Variants in KIF21B observed in about 807,000 individuals in gnomAD.
KIF21B encodes kinesin-like protein KIF21B.
KIF21B carries 85 observed loss-of-function variants against 192.9 expected under a neutral mutation model. The observed-to-expected ratio is 0.44, with a 90% CI of 0.37 to 0.53. KIF21B has a LOEUF of 0.53. Among genes scored for constraint, KIF21B ranks in the 20% least tolerant of loss-of-function variants. The pLI is 0.00. For missense variants in KIF21B, 1,716 were observed against 2,194.8 expected (o/e 0.78, Z 4.36); for synonymous variants, 832 against 884.6 (o/e 0.94, Z 1.05).
intron 1 of KIF21B, among the ~76,000 whole-genome samples, chr1:201,018,697 T>A (rs1187821696): frequency 6.6e-6 from 1 of 152,234 alleles, no homozygotes; most frequent in Non-Finnish European, 1.5e-5. Context: ...ATCTATATGA[T>A]GGGAATAACA....
chr1:200,985,050 C>T, intron 26 of KIF21B, 78 bp from the exon 27 acceptor site: 2 of 1,045,098 alleles, frequency 1.9e-6, no homozygotes, highest in Non-Finnish European at 2.8e-6. Flanking sequence ...GGGCTTCCAC[C>T]TTCTGCCTTG....
Position 200,986,845 on chromosome 1 carries a change from T to A in KIF21B, c.3688A>T (p.Arg1230Trp). ...RKSYDRGQPIRSTDVGFTPPS... is the reference protein window; with the variant it reads ...RKSYDRGQPIWSTDVGFTPPS... The stretch of plus-strand genomic sequence containing the variant: ...GCAGATTCTAGAACATGATCTCACC[T>A]AATGGGCTGCCCTCGGTCGTAGGAC... Residue 1230 changes from arginine (R) to tryptophan (W), a missense_variant and splice_region_variant, in exon 26 of 35, where the codon AGG becomes TGG. Around this residue, in one of 3 missense-constraint regions of KIF21B, gnomAD observed 580 missense variants for 775.5 expected, o/e 0.75. Transcript: ENST00000461742. The A allele has an allele frequency of 6.2e-7, 1 of 1,612,584 alleles. No individual in the cohort carries two copies. The highest frequency in any genetic ancestry group is 8.5e-7 in the Non-Finnish European group (1 of 1,179,192).
chr1:201,012,865 A>G (rs929931846), intron 1 of KIF21B, among the ~76,000 whole-genome samples: 4 of 152,112 alleles, frequency 2.6e-5, no homozygotes, highest in Admixed American at 2.6e-4. Context: ...GCCTGTCTCG[A>G]ACTCCTGAGC....
At chr1:200,983,226 AG>A in intron 27 of KIF21B, 132 bp from the exon 28 acceptor site, 2 of 763,800 alleles carry the variant, frequency 2.6e-6, no homozygotes, top group Non-Finnish European at 4.5e-6. Flanking sequence ...AGACAGGCAG[AG>A]GAATGAGGGC....
At chr1:200,973,624 T>G in intron 34 of KIF21B, 46 bp from the exon 35 acceptor site, 1 of 1,520,392 alleles carries the variant, frequency 6.6e-7, no homozygotes, top group Non-Finnish European at 8.8e-7. Context: ...GCTCTTGCAG[T>G]GGGCTTGGCT....
Position 200,990,427 on chromosome 1 carries a change from G to A in KIF21B, c.2836-95C>T. 3 of 1,478,420 alleles carry A rather than the reference G, an allele frequency of 2.0e-6. No individual in the cohort carries two copies. Among genetic ancestry groups the A allele is most frequent in the Non-Finnish European group, 2.8e-6 (3 of 1,090,146 alleles). The allele number at this position is 1,478,420 out of a possible 1,614,324, so 91.6% of individuals were successfully genotyped here. A position where few individuals can be genotyped will look rare whatever the true frequency, so the allele number is the denominator to read the frequency against. ...TAGCTTCCACCACAGGCTGGCCTGT[G>A]AGGTCCCCCCAGCACCTCTGGATTC... On this transcript the variant is annotated intron_variant, in intron 19 of 34. Transcript: ENST00000461742. This position sits in a 1 kb window ranked among gnomAD's most constrained non-coding sequence, Gnocchi z 5.4.
chr1:200,977,065 C>T, intron 31 of KIF21B, 147 bp downstream of exon 31: 1 of 1,069,566 alleles, frequency 9.3e-7, no homozygotes, highest in South Asian at 1.5e-5. Flanking sequence ...AGCAGTCTCA[C>T]TGGAGAGGGC....
At chr1:200,995,320 G>A (rs913484994) in intron 15 of KIF21B, among the ~76,000 whole-genome samples, 4 of 152,196 alleles carry the variant, frequency 2.6e-5, no homozygotes, top group African/African-American at 9.7e-5. Flanking sequence ...CCAGTGCCCA[G>A]GGCCTAGCCC....
chr1:201,013,548 G>A (rs939434373), intron 1 of KIF21B, among the ~76,000 whole-genome samples: 14 of 152,076 alleles, frequency 9.2e-5, no homozygotes, highest in Admixed American at 9.2e-4. Flanking sequence ...TGCAGAGACA[G>A]GGTCTCACTA....
rs1456352466 is a variant in KIF21B, at chr1:201,023,378, G to A, written c.6C>T (p.Ala2=). Residue 2 remains alanine, a synonymous_variant, in exon 1 of 35, where the codon GCC becomes GCT. Transcript: ENST00000461742. The surrounding 1 kb of genome is among the most constrained non-coding windows in gnomAD (Gnocchi z 5.9). ...CCTTGACGCAGCAGTCCCCCTGGCC[G>A]GCCATGGCCCTCTGGAGCTAGGGTC... M[A]GQGDCCVKVA... 2 of 1,526,714 alleles carry A rather than the reference G, an allele frequency of 1.3e-6. No individual in the cohort carries two copies. Among genetic ancestry groups the A allele is most frequent in the Non-Finnish European group, 1.8e-6 (2 of 1,139,482 alleles). The allele number at this position is 1,526,714 out of a possible 1,614,324, so 94.6% of individuals were successfully genotyped here.
chr1:200,981,562 G>A (rs1295903309), intron 28 of KIF21B, among the ~76,000 whole-genome samples: 1 of 152,126 alleles, frequency 6.6e-6, no homozygotes, highest in Non-Finnish European at 1.5e-5. Context: ...TGAGAGGGAG[G>A]GTTGCTCAGG....
intron 2 of KIF21B, 132 bp from the exon 3 acceptor site, chr1:201,009,083 G>T: frequency 8.1e-7 from 1 of 1,227,892 alleles, no homozygotes; most frequent in Non-Finnish European, 1.1e-6. Flanking sequence ...TGGTCCTGAA[G>T]CCACACTCTG....
At chr1:201,001,274 T>C (rs1200411514) in intron 9 of KIF21B, 1 of 155,062 alleles carries the variant, frequency 6.4e-6, no homozygotes, top group African/African-American at 2.4e-5. Context: ...CTGTTGGCAA[T>C]AGCAAGAAAC....
Position 201,005,671 on chromosome 1 carries a change from G to A in KIF21B, c.471C>T (p.Asp157=). 2 of 1,614,146 alleles carry A rather than the reference G, an allele frequency of 1.2e-6. No homozygotes were observed. The highest frequency in any genetic ancestry group is 1.3e-5 in the African/African-American group (1 of 75,060). ...FLELYNEEIL[D]LFDSTRDPDT... is the part of the protein sequence containing the mutation. ...CAGGGTCACGGGTGCTGTCAAACAG[G>A]TCAAGGATCTCCTCGTTGTAGAGCT... Residue 157 remains aspartate, a synonymous_variant, in exon 4 of 35, where the codon GAC becomes GAT. Coordinates refer to ENST00000461742, the MANE Select transcript of KIF21B (RefSeq NM_001252102.2).
chr1:200,972,901 C>T lies in KIF21B; in HGVS notation c.*620G>A, dbSNP rs1005334436. The T allele has an allele frequency of 3.9e-5, 6 of 152,718 alleles. No homozygotes were observed. Among genetic ancestry groups the T allele is most frequent in the African/African-American group, 1.4e-4 (6 of 41,448 alleles). 9.5% of individuals were successfully genotyped at this position (152,718 alleles called of 1,614,324 possible). ...TAACTGAAGTATTTCTGACCATCTC[C>T]CCAAAGGAATCTTTCTAGCAGCTCC... On this transcript the variant is annotated 3_prime_UTR_variant, in exon 35 of 35. Transcript: ENST00000461742.
rs549925519 is a variant in KIF21B, at chr1:201,007,718, A to G, written c.447+1051T>C. 2.9e-3 allele frequency among the ~76,000 whole-genome samples: 446 copies of G among 151,888 alleles called. 1 individual carries two copies. The highest frequency in any genetic ancestry group is 9.9e-3 in the African/African-American group (410 of 41,388). On this transcript the variant is annotated intron_variant, in intron 3 of 34. Transcript: ENST00000461742. ...CACAGACAGATGCGCACACAGACAC[A>G]TAGACACACATACACACACACACAT...
Position 201,023,384 on chromosome 1 carries a change from G to A in KIF21B, c.-1C>T, listed in dbSNP as rs1396256100. ...CGCAGCAGTCCCCCTGGCCGGCCAT[G>A]GCCCTCTGGAGCTAGGGTCTGGGCG... On this transcript the variant is annotated 5_prime_UTR_variant, in exon 1 of 35. Coordinates refer to ENST00000461742, the MANE Select transcript of KIF21B (RefSeq NM_001252102.2). The surrounding 1 kb of genome is among the most constrained non-coding windows in gnomAD (Gnocchi z 5.9). 6 of 1,525,684 alleles carry A rather than the reference G, an allele frequency of 3.9e-6. No individual in the cohort carries two copies. The highest frequency in any genetic ancestry group is 4.1e-5 in the Admixed American group (2 of 48,452). 94.5% of individuals were successfully genotyped at this position (1,525,684 alleles called of 1,614,324 possible). A position where few individuals can be genotyped will look rare whatever the true frequency, so the allele number is the denominator to read the frequency against.
intron 1 of KIF21B, among the ~76,000 whole-genome samples, chr1:201,016,474 C>T (rs1019232401): frequency 8.5e-5 from 13 of 152,348 alleles, no homozygotes; most frequent in African/African-American, 3.1e-4. Flanking sequence ...AGCCTCCTCT[C>T]CTCCTCCCCA....
chr1:200,975,429 C>T lies in KIF21B; in HGVS notation c.4614+70G>A. Reference sequence around the variant, plus strand: ...CCCGCGAGTCCAGGTCCCAGGGTCTCCAAGGCCCTGCGTGGGCTATGGAAA... The same window carrying T: ...CCCGCGAGTCCAGGTCCCAGGGTCTTCAAGGCCCTGCGTGGGCTATGGAAA... On this transcript the variant is annotated intron_variant, in intron 33 of 34. Coordinates refer to ENST00000461742, the MANE Select transcript of KIF21B (RefSeq NM_001252102.2). This position sits in a 1 kb window ranked among gnomAD's most constrained non-coding sequence, Gnocchi z 4.3. The T allele has an allele frequency of 6.8e-7, 1 of 1,461,302 alleles. No individual in the cohort carries two copies. The highest frequency in any genetic ancestry group is 1.9e-5 in the Admixed American group (1 of 53,804). The allele number at this position is 1,461,302 out of a possible 1,614,324, so 90.5% of individuals were successfully genotyped here.
Sources: gnomAD v4.1 joint callset for allele counts (sites outside exome capture counted in the v4.1 genomes callset) on GRCh38, gnomAD v4.1.1 for gene constraint, gnomAD v4.1.1 regional missense constraint, Gnocchi (gnomAD v3.1) non-coding constraint, MANE v1.5 for transcripts, NCBI Gene and HGNC (gene_info 2026-07-23, HGNC 2026-07-21) for gene names.